Variants in SHPRH observed in about 807,000 individuals in gnomAD.
SHPRH encodes SNF2 histone linker PHD RING helicase, also known as E3 ubiquitin-protein ligase SHPRH.
A neutral mutation model predicts 202.5 loss-of-function variants in SHPRH; 106 were observed. The ratio of observed to expected loss-of-function variants is 0.52; its 90% confidence interval spans 0.45 to 0.62. SHPRH has a LOEUF of 0.62. Ranked by LOEUF, SHPRH falls within the 20% of genes least tolerant of loss-of-function variation. The pLI, the probability that SHPRH is intolerant of heterozygous loss-of-function variation, is 0.00. For synonymous variants in SHPRH, 729 were observed against 686.0 expected, an observed-to-expected ratio of 1.06 and a Z score of -0.98; for missense variants, 1,710 against 2,020.0, an observed-to-expected ratio of 0.85 and a Z score of 2.94.
rs1340939002 is a variant in SHPRH at position 145,952,322 on chromosome 6, A to C, written c.763+27T>G. On this transcript the variant is annotated intron_variant, in intron 3 of 29. Coordinates refer to ENST00000275233, the MANE Select transcript of SHPRH (RefSeq NM_001042683.3). ...AAACTCACAACTCCTAAGTAATAGCAATTTTTAAGTTTACTGTAAATATTA... is the reference window on the plus strand; with the variant it reads ...AAACTCACAACTCCTAAGTAATAGCCATTTTTAAGTTTACTGTAAATATTA... The C allele has an allele frequency of 1.9e-6, 3 of 1,562,896 alleles. No homozygotes were observed. In the East Asian group the frequency reaches 6.8e-5, roughly 36 times the overall value.
At chr6:145,869,137 A>G (rs771928336) in intron 2 of SHPRH, among the ~76,000 whole-genome samples, 5 of 152,114 alleles carry the variant, frequency 3.3e-5, no homozygotes, top group African/African-American at 1.2e-4. Flanking sequence ...TGCATTCACC[A>G]TCTATTTCCT....
intron 14 of SHPRH, among the ~76,000 whole-genome samples, chr6:145,931,383 T>C (rs575873977): frequency 3.3e-5 from 5 of 152,242 alleles, no homozygotes; most frequent in African/African-American, 1.2e-4. Flanking sequence ...GATGGAGTCC[T>C]GCTCTGTAGC....
In SHPRH at chr6:145,865,866, T is replaced by G. The variant is rs118012444; in HGVS notation, c.222-1375A>C. Among the ~76,000 whole-genome samples the G allele has an allele frequency of 9.7e-3, 1,476 of 152,336 alleles. 10 individuals carry two copies. The highest frequency in any genetic ancestry group is 0.017 in the Admixed American group (264 of 15,302). ...TTTTTTTCTTTTTTGGTAACTTTCT[T>G]TGACTTAAGGTGACAAAAGAGCACC... On this transcript the variant is annotated intron_variant, in intron 2 of 2. Transcript: ENST00000417762.
chr6:145,940,625 A>C, intron 11 of SHPRH, 98 bp downstream of exon 11: 1 of 1,153,958 alleles, frequency 8.7e-7, no homozygotes, highest in Non-Finnish European at 1.3e-6. Context: ...TCATCACTTC[A>C]ATAGGGACTG....
chr6:145,889,693 T>C (rs1271075616), intron 28 of SHPRH, among the ~76,000 whole-genome samples: 1 of 152,160 alleles, frequency 6.6e-6, no homozygotes, highest in East Asian at 1.9e-4. Flanking sequence ...TCACTATGTA[T>C]ATGCAAATAT....
intron 11 of SHPRH, among the ~76,000 whole-genome samples, chr6:145,936,974 T>TCA (rs1786147943): frequency 1.2e-5 from 1 of 80,502 alleles, no homozygotes; most frequent in Admixed American, 1.4e-4. Context: ...CACACATGCT[T>TCA]CATCTTTTTT....
intron 20 of SHPRH, 26 bp from the exon 21 acceptor site, chr6:145,921,418 C>T: frequency 6.3e-7 from 1 of 1,599,008 alleles, no homozygotes; most frequent in Non-Finnish European, 8.6e-7. Context: ...AACAAAACAA[C>T]AGTAACTGGT....
chr6:145,934,850 GAAATATTGTCTA>G lies in SHPRH; in HGVS notation c.2990+45_2990+56del, dbSNP rs879135647. ...TGTCTCTGAATGAAACCGTGGGCCT[GAAATATTGTCTA>G]TTATGATATACCAACTGCAATTAAA... On this transcript the variant is annotated intron_variant, in intron 13 of 29. Transcript: ENST00000275233. The G allele has an allele frequency of 4.7e-4, 708 of 1,505,046 alleles. 8 individuals are homozygous for G. In the South Asian group the frequency reaches 8.4e-3, roughly 18 times the overall value. The allele number at this position is 1,505,046 out of a possible 1,614,324, so 93.2% of individuals were successfully genotyped here. A position where few individuals can be genotyped will look rare whatever the true frequency, so the allele number is the denominator to read the frequency against.
At chr6:145,890,334 A>C (rs867440160) in intron 28 of SHPRH, among the ~76,000 whole-genome samples, 1 of 152,192 alleles carries the variant, frequency 6.6e-6, no homozygotes, top group Non-Finnish European at 1.5e-5. Flanking sequence ...CATTTTCTCC[A>C]AAACTAAAGT....
At position 145,913,795 on chromosome 6, in the gene SHPRH, C is replaced by T. The variant is rs79752460; in HGVS notation, c.4255-246G>A. On this transcript the variant is annotated intron_variant, in intron 23 of 29. Coordinates refer to ENST00000275233, the MANE Select transcript of SHPRH (RefSeq NM_001042683.3). ...ATTTTAATCACACAGGTTGAATATC[C>T]CTAATCCAAAATCTGAAATCTGAAA... 4.2e-3 allele frequency among the ~76,000 whole-genome samples: 636 copies of T among 152,032 alleles called. 18 individuals are homozygous for T. The East Asian group carries it at 0.072, about 17-fold the overall frequency.
chr6:145,914,320 C>T (rs954426539), intron 23 of SHPRH, among the ~76,000 whole-genome samples: 9 of 152,090 alleles, frequency 5.9e-5, no homozygotes, highest in African/African-American at 2.2e-4. Flanking sequence ...CAAAGAGCAA[C>T]AAGAATGGGA....
intron 23 of SHPRH, among the ~76,000 whole-genome samples, chr6:145,914,149 G>A (rs1427942658): frequency 6.6e-6 from 1 of 152,048 alleles, no homozygotes; most frequent in African/African-American, 2.4e-5. Context: ...AGGTGATTTG[G>A]GGATGGGCTG....
intron 14 of SHPRH, 48 bp from the exon 15 acceptor site, chr6:145,927,325 T>C (rs1380288248): frequency 2.0e-6 from 3 of 1,488,854 alleles, no homozygotes; most frequent in Non-Finnish European, 2.8e-6. Flanking sequence ...ACATATTTAG[T>C]TCCCAATGTC....
intron 25 of SHPRH, among the ~76,000 whole-genome samples, chr6:145,895,598 T>C (rs1032867819): frequency 6.6e-6 from 1 of 150,936 alleles, no homozygotes; most frequent in Admixed American, 6.6e-5. Flanking sequence ...AGTGAAAAAA[T>C]GATTTTTAAA....
chr6:145,903,960 T>C (rs952475646), intron 25 of SHPRH: 3 of 152,078 alleles, frequency 2.0e-5, no homozygotes, highest in Non-Finnish European at 2.9e-5. Flanking sequence ...CATCACACTG[T>C]TGCTAGGGAA....
chr6:145,888,214 G>C, intron 28 of SHPRH, 114 bp from the exon 29 acceptor site: 1 of 667,496 alleles, frequency 1.5e-6, no homozygotes, highest in Non-Finnish European at 2.6e-6. Flanking sequence ...ACTTGTGGCA[G>C]GTGCTGGGAG....
intron 23 of SHPRH, among the ~76,000 whole-genome samples, chr6:145,916,407 A>G (rs1369227054): frequency 6.6e-6 from 1 of 152,100 alleles, no homozygotes; most frequent in Non-Finnish European, 1.5e-5. Flanking sequence ...AGATATTGTT[A>G]AAGTGCTTTT....
chr6:145,926,764 G>A (rs145669543), intron 15 of SHPRH, among the ~76,000 whole-genome samples: 2 of 151,978 alleles, frequency 1.3e-5, no homozygotes, highest in East Asian at 1.9e-4. Context: ...AGAAATAAGT[G>A]TTATAATTAA....
In SHPRH at chr6:145,886,374, A is replaced by T; in HGVS notation, c.*317T>A. 1.4e-6 allele frequency: 1 copy of T among 705,480 alleles called. No individual in the cohort carries two copies. The highest frequency in any genetic ancestry group is 1.6e-5 in the South Asian group (1 of 63,390). 43.7% of individuals were successfully genotyped at this position (705,480 alleles called of 1,614,324 possible). On this transcript the variant is annotated 3_prime_UTR_variant, in exon 30 of 30. Coordinates refer to ENST00000275233, the MANE Select transcript of SHPRH (RefSeq NM_001042683.3). ...ACTTTCTTATTCCAACTGTTTTATG[A>T]GTGATCTTATCATAAGAAAAGTACA...
Sources: gnomAD v4.1 joint callset for allele counts (sites outside exome capture counted in the v4.1 genomes callset) on GRCh38, gnomAD v4.1.1 for gene constraint, MANE v1.5 for transcripts, NCBI Gene and HGNC (gene_info 2026-07-23, HGNC 2026-07-21) for gene names.